Variants in CPNE4 observed in about 807,000 individuals in gnomAD.
The protein encoded by CPNE4 is copine 4, also known as copine-4.
Under a neutral mutation model 67.9 loss-of-function variants are expected in CPNE4, and 25 were observed. The ratio of observed to expected loss-of-function variants is 0.37; its 90% CI spans 0.27 to 0.51. The LOEUF is 0.51. Ranked by LOEUF, CPNE4 falls within the 20% of genes least tolerant of loss-of-function variation. The pLI, the probability that CPNE4 is intolerant of heterozygous loss-of-function variation, is 0.93. For synonymous variants in CPNE4, 242 were observed against 244.9 expected, an observed-to-expected ratio of 0.99 and a Z score of 0.11; for missense variants, 464 against 690.8, an observed-to-expected ratio of 0.67 and a Z score of 3.68.
chr3:131,758,773 G>C (rs2082816749), intron 2 of CPNE4, among the ~76,000 whole-genome samples: 1 of 152,050 alleles, frequency 6.6e-6, no homozygotes, highest in Non-Finnish European at 1.5e-5. Context: ...AATCACGGGG[G>C]CTGGTCTTTC....
chr3:131,673,685 G>A (rs1306519953), intron 6 of CPNE4, among the ~76,000 whole-genome samples: 2 of 151,926 alleles, frequency 1.3e-5, no homozygotes, highest in Admixed American at 6.6e-5. Context: ...CAACTTTGCT[G>A]AGTTTATTAG....
intron 2 of CPNE4, among the ~76,000 whole-genome samples, chr3:131,726,588 C>T (rs1489466368): frequency 6.6e-6 from 1 of 151,906 alleles, no homozygotes; most frequent in East Asian, 1.9e-4. Context: ...TTTCTGGTGC[C>T]TAATCCAGGT....
chr3:131,667,689 T>A (rs1407327217), intron 7 of CPNE4, among the ~76,000 whole-genome samples: 1 of 151,856 alleles, frequency 6.6e-6, no homozygotes, highest in Non-Finnish European at 1.5e-5. Context: ...CTCTCCTCTA[T>A]CATCTATCAA....
intron 7 of CPNE4, among the ~76,000 whole-genome samples, chr3:131,607,588 T>C (rs1218396151): frequency 1.3e-5 from 2 of 152,172 alleles, no homozygotes; most frequent in Non-Finnish European, 2.9e-5. Context: ...CAAGTTTCTA[T>C]CTAAATCCAT....
chr3:131,720,463 T>C (rs538765809), intron 3 of CPNE4, among the ~76,000 whole-genome samples: 1 of 152,102 alleles, frequency 6.6e-6, no homozygotes, highest in Admixed American at 6.5e-5. Flanking sequence ...TTTTTGCATT[T>C]TTAGTAGAGA....
intron 2 of CPNE4, among the ~76,000 whole-genome samples, chr3:131,900,683 C>T (rs2088521154): frequency 6.6e-6 from 1 of 151,964 alleles, no homozygotes; most frequent in African/African-American, 2.4e-5. Context: ...TGCTTTTTCA[C>T]AGAGCTATTA....
intron 2 of CPNE4, among the ~76,000 whole-genome samples, chr3:131,851,130 T>C (rs1038801735): frequency 6.6e-6 from 1 of 152,142 alleles, no homozygotes; most frequent in Non-Finnish European, 1.5e-5. Context: ...TTCCATTAGG[T>C]ACATGTATGT....
At chr3:131,771,516 C>T in intron 2 of CPNE4, among the ~76,000 whole-genome samples, 1 of 152,014 alleles carries the variant, frequency 6.6e-6, no homozygotes. Context: ...GGCCTGGCAC[C>T]TCCCCTCTCC....
At chr3:131,887,031 T>A (rs964719361) in intron 2 of CPNE4, among the ~76,000 whole-genome samples, 1 of 152,132 alleles carries the variant, frequency 6.6e-6, no homozygotes, top group Non-Finnish European at 1.5e-5. Context: ...GACATGAGAT[T>A]TGGCAGGGGC....
At chr3:131,627,100 G>T (rs1404839874) in intron 7 of CPNE4, among the ~76,000 whole-genome samples, 1 of 150,796 alleles carries the variant, frequency 6.6e-6, no homozygotes, top group Non-Finnish European at 1.5e-5. Context: ...GACTGAGGCA[G>T]GAGAACTGCT....
At chr3:131,641,295 C>G (rs1237848459) in intron 7 of CPNE4, among the ~76,000 whole-genome samples, 1 of 151,684 alleles carries the variant, frequency 6.6e-6, no homozygotes, top group African/African-American at 2.4e-5. Flanking sequence ...CCAAAATCTA[C>G]AAAGTACTCA....
intron 1 of CPNE4, among the ~76,000 whole-genome samples, chr3:131,977,613 G>A (rs1280100472): frequency 1.3e-5 from 2 of 151,986 alleles, no homozygotes; most frequent in Middle Eastern, 3.4e-3. Context: ...CACTGCTATG[G>A]TATTCAGTTT....
At chr3:131,682,809 A>T (rs73871387) in intron 6 of CPNE4, among the ~76,000 whole-genome samples, 1,826 of 152,084 alleles carry the variant, frequency 0.012, 35 homozygotes, top group African/African-American at 0.041. Flanking sequence ...ACTCTACCTC[A>T]TGCTCTATTC....
At position 131,587,685 on chromosome 3, in the gene CPNE4, G is replaced by T; in HGVS notation, c.682-103C>A. On this transcript the variant is annotated intron_variant, in intron 7 of 15. Transcript: ENST00000429747. ...AGAAAGAGTAGATGAAAGATGTTTG[G>T]TCTGGAACCAAAGCCTGGGAGTCTA... 6.2e-6 allele frequency: 5 copies of T among 812,662 alleles called. No homozygotes were observed. In the Admixed American group the frequency reaches 1.1e-4, roughly 18 times the overall value. 50.3% of individuals were successfully genotyped at this position (812,662 alleles called of 1,614,324 possible).
intron 7 of CPNE4, among the ~76,000 whole-genome samples, chr3:131,617,264 G>T (rs1367463898): frequency 6.6e-6 from 1 of 152,150 alleles, no homozygotes; most frequent in Non-Finnish European, 1.5e-5. Flanking sequence ...TTTATTCATG[G>T]TAGTATTGCT....
At chr3:131,669,878 C>A in intron 6 of CPNE4, 114 bp from the exon 7 acceptor site, 2 of 813,874 alleles carry the variant, frequency 2.5e-6, no homozygotes, top group South Asian at 1.7e-5. Flanking sequence ...GAACAATAGC[C>A]TGGAAGAGGT....
intron 7 of CPNE4, among the ~76,000 whole-genome samples, chr3:131,597,273 A>G (rs1462537535): frequency 6.6e-6 from 1 of 151,834 alleles, no homozygotes; most frequent in Non-Finnish European, 1.5e-5. Flanking sequence ...ACACATGGAC[A>G]CAGGGAGGGG....
chr3:131,743,169 T>C (rs2082397502), intron 2 of CPNE4, among the ~76,000 whole-genome samples: 1 of 152,186 alleles, frequency 6.6e-6, no homozygotes, highest in South Asian at 2.1e-4. Context: ...CATATGTGTT[T>C]CTTTTCCAAT....
intron 1 of CPNE4, among the ~76,000 whole-genome samples, chr3:131,969,257 G>T (rs968446538): frequency 2.0e-5 from 3 of 151,854 alleles, no homozygotes; most frequent in African/African-American, 7.3e-5. Flanking sequence ...CCTAATGCAT[G>T]CGGGTCTTAA....
Sources: gnomAD v4.1 joint callset for allele counts (sites outside exome capture counted in the v4.1 genomes callset) on GRCh38, gnomAD v4.1.1 for gene constraint, MANE v1.5 for transcripts, NCBI Gene and HGNC (gene_info 2026-07-23, HGNC 2026-07-21) for gene names.